The following ADAM22 variants were observed in gnomAD, a reference collection of about 807,000 sequenced individuals.
ADAM22 encodes the protein disintegrin and metalloproteinase domain-containing protein 22.
A neutral mutation model predicts 144.6 loss-of-function variants in ADAM22; 65 were observed. That is an observed-to-expected ratio of 0.45 (90% CI 0.37 to 0.55). The LOEUF is 0.55. Among genes scored for constraint, ADAM22 ranks in the 20% least tolerant of loss-of-function variants. ADAM22 has a pLI of 0.00. For missense variants in ADAM22, 974 were observed against 1,184.9 expected, an observed-to-expected ratio of 0.82 and a Z score of 2.61; for synonymous variants, 391 against 412.6, an observed-to-expected ratio of 0.95 and a Z score of 0.63.
intron 4 of ADAM22, among the ~76,000 whole-genome samples, chr7:88,098,106 C>T (rs1396757516): frequency 2.0e-5 from 3 of 152,158 alleles, no homozygotes; most frequent in Admixed American, 6.5e-5. Flanking sequence ...GATTACTTGA[C>T]AGCTGCATAT....
intron 3 of ADAM22, among the ~76,000 whole-genome samples, chr7:87,982,813 G>A (rs1214885819): frequency 6.7e-6 from 1 of 149,720 alleles, no homozygotes; most frequent in Non-Finnish European, 1.5e-5. Context: ...TCCTGCCTGA[G>A]CCTCCCGAGT....
intron 2 of ADAM22, among the ~76,000 whole-genome samples, chr7:87,937,952 A>G (rs745580457): frequency 1.3e-5 from 2 of 152,180 alleles, no homozygotes; most frequent in Non-Finnish European, 1.5e-5. Context: ...GCACTTTACC[A>G]TGCTGCTTAA....
At chr7:88,005,981 A>G (rs1041080946) in intron 3 of ADAM22, among the ~76,000 whole-genome samples, 1 of 152,176 alleles carries the variant, frequency 6.6e-6, no homozygotes, top group Non-Finnish European at 1.5e-5. Flanking sequence ...ATATTTCATT[A>G]TAATTTATAT....
chr7:88,027,416 T>C (rs1799243487), intron 3 of ADAM22, among the ~76,000 whole-genome samples: 1 of 152,214 alleles, frequency 6.6e-6, no homozygotes, highest in African/African-American at 2.4e-5. Context: ...CTTTACTTGT[T>C]ATTACTCTGT....
chr7:88,171,569 A>G lies in ADAM22; in HGVS notation c.2300+8A>G, dbSNP rs1844324963. ...AAACTATCGAGAACAGAGGTATGTA[A>G]TACAAATAATGTGAACATAAAACTG... On this transcript the variant is annotated splice_region_variant and intron_variant, in intron 26 of 31. Coordinates refer to ENST00000413139, the MANE Select transcript of ADAM22 (RefSeq NM_001324418.2). The G allele has an allele frequency of 6.3e-7, 1 of 1,579,184 alleles. No homozygotes were observed. Among genetic ancestry groups the G allele is most frequent in the Admixed American group, 1.9e-5 (1 of 52,804 alleles).
At chr7:87,940,301 A>T (rs907463021) in intron 2 of ADAM22, among the ~76,000 whole-genome samples, 1 of 151,946 alleles carries the variant, frequency 6.6e-6, no homozygotes, top group African/African-American at 2.4e-5. Context: ...ATAAATATGT[A>T]TAGTTATTAT....
intron 3 of ADAM22, among the ~76,000 whole-genome samples, chr7:87,995,455 C>T (rs919542786): frequency 6.6e-6 from 1 of 152,188 alleles, no homozygotes; most frequent in African/African-American, 2.4e-5. Context: ...ATCCTGGCTA[C>T]ACATTATAAT....
intron 3 of ADAM22, among the ~76,000 whole-genome samples, chr7:88,074,155 A>G (rs1391905553): frequency 3.3e-5 from 5 of 152,188 alleles, no homozygotes; most frequent in African/African-American, 4.8e-5. Flanking sequence ...CAAAGTATCA[A>G]TTGTGTCGAA....
chr7:88,174,733 T>TA (rs904243991), intron 26 of ADAM22, among the ~76,000 whole-genome samples: 2 of 152,128 alleles, frequency 1.3e-5, no homozygotes, highest in East Asian at 1.9e-4. Context: ...ATGAGAAATA[T>TA]AAAAAATAAT....
intron 5 of ADAM22, among the ~76,000 whole-genome samples, chr7:88,113,650 G>T (rs1198594342): frequency 8.1e-6 from 1 of 123,794 alleles, no homozygotes; most frequent in African/African-American, 3.4e-5. Flanking sequence ...ATATGTATGT[G>T]TATGTGTGTG....
At chr7:88,167,080 A>G (rs914502775) in intron 24 of ADAM22, among the ~76,000 whole-genome samples, 2 of 152,114 alleles carry the variant, frequency 1.3e-5, no homozygotes, top group Admixed American at 1.3e-4. Flanking sequence ...GGGCTCCCAG[A>G]CAGAGAGACT....
chr7:87,938,712 C>T (rs1033619828), intron 2 of ADAM22, among the ~76,000 whole-genome samples: 8 of 151,994 alleles, frequency 5.3e-5, no homozygotes, highest in Non-Finnish European at 1.0e-4. Flanking sequence ...TGCAGCGGCA[C>T]AATCTCAACT....
chr7:88,000,917 G>T (rs1584933099), intron 3 of ADAM22, among the ~76,000 whole-genome samples: 1 of 152,234 alleles, frequency 6.6e-6, no homozygotes, highest in East Asian at 1.9e-4. Flanking sequence ...CTTGAGGAAG[G>T]TTTCTGTCCA....
intron 3 of ADAM22, among the ~76,000 whole-genome samples, chr7:88,059,387 T>A (rs996221199): frequency 6.6e-6 from 1 of 152,086 alleles, no homozygotes. Flanking sequence ...CAATGAAAAA[T>A]TTGGGAACAG....
Position 88,075,659 on chromosome 7 carries a change from C to T in ADAM22, c.357C>T (p.His119=), listed in dbSNP as rs1359210886. The T allele has an allele frequency of 3.1e-6, 5 of 1,613,656 alleles. No homozygotes were observed. Among genetic ancestry groups the T allele is most frequent in the South Asian group, 2.2e-5 (2 of 91,052 alleles). The change falls in exon 4 of 32, where the codon CAC becomes CAT. Residue 119 remains histidine (H), a synonymous_variant. Coordinates refer to ENST00000413139, the MANE Select transcript of ADAM22 (RefSeq NM_001324418.2). ...DLLSSEYIER[H]IEHGGKTVEV... ...TGTCCTCTGAATACATAGAGAGACA[C>T]ATTGAACATGGAGGCAAGACTGTGG...
intron 3 of ADAM22, among the ~76,000 whole-genome samples, chr7:88,065,992 C>T (rs1316372715): frequency 6.6e-6 from 1 of 152,004 alleles, no homozygotes; most frequent in Non-Finnish European, 1.5e-5. Flanking sequence ...TATTTTTCTT[C>T]ATTAGATTCT....
At chr7:88,174,809 T>C (rs556156857) in intron 26 of ADAM22, among the ~76,000 whole-genome samples, 10 of 152,260 alleles carry the variant, frequency 6.6e-5, no homozygotes, top group African/African-American at 1.9e-4. Context: ...CCCATTTCTT[T>C]TCTCTCTCAC....
chr7:87,979,806 G>C lies in ADAM22; in HGVS notation c.323+1394G>C, dbSNP rs2299193. Among the ~76,000 whole-genome samples, 4 of 152,236 alleles carry C rather than the reference G, an allele frequency of 2.6e-5. No homozygotes were observed. In the East Asian group the frequency reaches 5.8e-4, roughly 22 times the overall value. Reference sequence around the variant, plus strand: ...AGAGGAAGAGTGAAACAGCAAAAAAGAAGATAAATGTTTGAGACTAGCTTC... The same window carrying C: ...AGAGGAAGAGTGAAACAGCAAAAAACAAGATAAATGTTTGAGACTAGCTTC... On this transcript the variant is annotated intron_variant, in intron 3 of 31. Coordinates refer to ENST00000413139, the MANE Select transcript of ADAM22 (RefSeq NM_001324418.2).
intron 3 of ADAM22, among the ~76,000 whole-genome samples, chr7:88,021,180 T>C (rs1310458191): frequency 1.3e-5 from 2 of 152,206 alleles, no homozygotes; most frequent in African/African-American, 4.8e-5. Context: ...CACAGGGCAG[T>C]GTGGCAAGTG....
Sources: allele counts gnomAD v4.1 joint callset (sites outside exome capture counted in the v4.1 genomes callset), GRCh38; gene constraint gnomAD v4.1.1; transcripts MANE v1.5; gene names NCBI Gene and HGNC (gene_info 2026-07-23, HGNC 2026-07-21).